TENM3: variants seen among roughly 807,000 people sequenced by gnomAD.
The protein encoded by TENM3 is teneurin-3.
In TENM3, 63 loss-of-function variants were observed where a neutral mutation model predicts 255.1. The observed-to-expected ratio is 0.25, with a 90% confidence interval of 0.20 to 0.30. The LOEUF (loss-of-function observed/expected upper bound fraction) is 0.30, where lower values mean the gene tolerates loss of function less well. Among genes scored for constraint, TENM3 ranks in the 10% least tolerant of loss-of-function variants. The probability of loss-of-function intolerance (pLI) is 1.00; values close to 1 mark genes in which losing one functional copy is unlikely to be tolerated. For missense variants in TENM3, 2,929 were observed against 3,461.1 expected (o/e 0.85, Z 3.86); for synonymous variants, 1,306 against 1,322.3 (o/e 0.99, Z 0.27).
the TENM3 span, among the ~76,000 whole-genome samples, chr4:181,776,736 A>G: frequency 1.3e-5 from 2 of 152,018 alleles, no homozygotes; most frequent in Admixed American, 6.6e-5. Flanking sequence ...AGAAATGTCT[A>G]TTCAAGTCCC....
chr4:181,632,774 G>T, the TENM3 span, among the ~76,000 whole-genome samples: 12 of 152,190 alleles, frequency 7.9e-5, no homozygotes, highest in Admixed American at 2.6e-4. Context: ...TTGCCTTACT[G>T]AGAGCCCTTC....
the TENM3 span, among the ~76,000 whole-genome samples, chr4:181,478,148 T>C: frequency 1.3e-5 from 2 of 152,232 alleles, no homozygotes; most frequent in South Asian, 4.1e-4. Context: ...CTACTTGTAC[T>C]TTATGTGTAG....
chr4:181,723,026 C>T, the TENM3 span, among the ~76,000 whole-genome samples: 1 of 152,048 alleles, frequency 6.6e-6, no homozygotes, highest in Admixed American at 6.6e-5. Context: ...TCGCTCAGGA[C>T]TTAATTACAG....
intron 3 of TENM3, among the ~76,000 whole-genome samples, chr4:182,437,559 G>C (rs2151231599): frequency 6.6e-6 from 1 of 152,270 alleles, no homozygotes; most frequent in East Asian, 1.9e-4. Flanking sequence ...CACTTTGGGA[G>C]GCCAAGTGGG....
chr4:181,690,108 T>C, the TENM3 span, among the ~76,000 whole-genome samples: 1 of 152,116 alleles, frequency 6.6e-6, no homozygotes, highest in Non-Finnish European at 1.5e-5. Flanking sequence ...TGGGGCTCAT[T>C]AAAGCAGTTT....
At chr4:182,048,167 A>G in the TENM3 span, among the ~76,000 whole-genome samples, 1 of 152,204 alleles carries the variant, frequency 6.6e-6, no homozygotes. Flanking sequence ...AAAGTTCCTT[A>G]TTGTACAAAT....
intron 4 of TENM3, among the ~76,000 whole-genome samples, chr4:182,611,655 A>G (rs1279390856): frequency 6.6e-6 from 1 of 152,164 alleles, no homozygotes; most frequent in Non-Finnish European, 1.5e-5. Flanking sequence ...GATGACATAC[A>G]TTTATTTTGC....
chr4:181,534,529 T>G, the TENM3 span, among the ~76,000 whole-genome samples: 1 of 151,996 alleles, frequency 6.6e-6, no homozygotes, highest in East Asian at 1.9e-4. Flanking sequence ...TGGCTGTTCC[T>G]GAATGTGCTT....
At chr4:182,179,913 G>A (rs147034063) in intron 1 of TENM3, among the ~76,000 whole-genome samples, 1 of 151,876 alleles carries the variant, frequency 6.6e-6, no homozygotes, top group African/African-American at 2.4e-5. Flanking sequence ...CATTTTTTCA[G>A]ACCTCATATT....
At chr4:182,325,429 C>T (rs1763328675) in intron 2 of TENM3, among the ~76,000 whole-genome samples, 1 of 152,132 alleles carries the variant, frequency 6.6e-6, no homozygotes, top group African/African-American at 2.4e-5. Flanking sequence ...ATTTTTATAC[C>T]CTAAAGCATG....
At chr4:181,876,560 A>G in the TENM3 span, among the ~76,000 whole-genome samples, 3 of 152,186 alleles carry the variant, frequency 2.0e-5, no homozygotes, top group East Asian at 1.9e-4. Flanking sequence ...CCATTTTTAC[A>G]TAACGGTTGC....
chr4:181,508,821 T>C, the TENM3 span, among the ~76,000 whole-genome samples: 3 of 151,480 alleles, frequency 2.0e-5, no homozygotes, highest in African/African-American at 7.3e-5. Context: ...TGCTTGATGT[T>C]AATCTATTCT....
At chr4:182,381,384 T>C (rs1767553313) in intron 3 of TENM3, among the ~76,000 whole-genome samples, 1 of 152,140 alleles carries the variant, frequency 6.6e-6, no homozygotes, top group Non-Finnish European at 1.5e-5. Context: ...TAAGATGGTT[T>C]CGATACTGGG....
At chr4:182,450,161 G>A (rs1440730027) in intron 3 of TENM3, among the ~76,000 whole-genome samples, 1 of 152,202 alleles carries the variant, frequency 6.6e-6, no homozygotes, top group African/African-American at 2.4e-5. Context: ...GCAGATTCAC[G>A]TCTGGAGTTG....
intron 26 of TENM3, among the ~76,000 whole-genome samples, chr4:182,796,011 G>A (rs539359776): frequency 1.2e-4 from 19 of 152,272 alleles, no homozygotes; most frequent in Non-Finnish European, 2.2e-4. Context: ...AGGTTTCCGG[G>A]TTCTCTCCCC....
At chr4:182,427,896 A>G (rs1477946202) in intron 3 of TENM3, among the ~76,000 whole-genome samples, 3 of 151,846 alleles carry the variant, frequency 2.0e-5, no homozygotes, top group Non-Finnish European at 4.4e-5. Flanking sequence ...AGCTGTGTAC[A>G]TGAGAAGTGA....
chr4:182,626,669 C>T (rs972048367), intron 4 of TENM3, among the ~76,000 whole-genome samples: 1 of 152,160 alleles, frequency 6.6e-6, no homozygotes, highest in Non-Finnish European at 1.5e-5. Context: ...GTAGGAGGTA[C>T]TGATGCTGCC....
intron 3 of TENM3, among the ~76,000 whole-genome samples, chr4:182,369,427 A>C (rs1219035329): frequency 2.0e-5 from 3 of 152,218 alleles, no homozygotes; most frequent in Non-Finnish European, 2.9e-5. Flanking sequence ...GGTGGAATCT[A>C]TTGGCATCCA....
the TENM3 span, among the ~76,000 whole-genome samples, chr4:181,688,001 T>C: frequency 7.9e-5 from 12 of 152,300 alleles, no homozygotes; most frequent in Non-Finnish European, 1.8e-4. Context: ...TGTCAGTGAT[T>C]TACATTAATT....
Sources: allele counts gnomAD v4.1 joint callset (sites outside exome capture counted in the v4.1 genomes callset), GRCh38; gene constraint gnomAD v4.1.1; transcripts MANE v1.5; gene names NCBI Gene and HGNC (gene_info 2026-07-23, HGNC 2026-07-21).